The following PPP1R9A variants were observed in gnomAD, a reference collection of about 807,000 sequenced individuals.
PPP1R9A encodes the protein neurabin-1.
PPP1R9A carries 59 observed loss-of-function variants against 141.9 expected under a neutral mutation model. That is an observed-to-expected ratio of 0.42 (90% CI 0.34 to 0.52). PPP1R9A has a LOEUF of 0.52. PPP1R9A is among the 20% of genes least tolerant of loss of function. PPP1R9A has a pLI of 0.10. For missense variants in PPP1R9A, 1,444 were observed against 1,611.9 expected, an observed-to-expected ratio of 0.90 and a Z score of 1.78; for synonymous variants, 500 against 569.7, an observed-to-expected ratio of 0.88 and a Z score of 1.74.
intron 2 of PPP1R9A, among the ~76,000 whole-genome samples, chr7:94,972,933 G>A (rs2151244059): frequency 6.6e-6 from 1 of 152,220 alleles, no homozygotes; most frequent in South Asian, 2.1e-4. Context: ...CAAGTTTCAT[G>A]TTCTTTCCAT....
At chr7:95,132,145 G>A (rs1273910271) in intron 4 of PPP1R9A, among the ~76,000 whole-genome samples, 2 of 152,088 alleles carry the variant, frequency 1.3e-5, no homozygotes, top group African/African-American at 4.8e-5. Flanking sequence ...AAGATAGTTT[G>A]ACTTCTTCTT....
chr7:95,082,561 G>A (rs575890923), intron 2 of PPP1R9A, among the ~76,000 whole-genome samples: 3 of 151,836 alleles, frequency 2.0e-5, no homozygotes, highest in Admixed American at 6.6e-5. Flanking sequence ...GCAACATAGC[G>A]AGACACTGTC....
intron 2 of PPP1R9A, among the ~76,000 whole-genome samples, chr7:95,040,457 A>G (rs13438398): frequency 0.14 from 20,999 of 151,880 alleles, 2,613 homozygotes; most frequent in East Asian, 0.54. Flanking sequence ...TGGGCAATAT[A>G]GGGAAACCTT....
intron 5 of PPP1R9A, among the ~76,000 whole-genome samples, chr7:95,181,844 C>A (rs1259251438): frequency 6.8e-6 from 1 of 148,020 alleles, no homozygotes; most frequent in Non-Finnish European, 1.5e-5. Context: ...GAATACTACT[C>A]AACCATATAA....
At chr7:95,088,897 G>A (rs1816971258) in intron 2 of PPP1R9A, among the ~76,000 whole-genome samples, 1 of 152,032 alleles carries the variant, frequency 6.6e-6, no homozygotes, top group Non-Finnish European at 1.5e-5. Flanking sequence ...CTCTCAAATA[G>A]CAGGTTTATT....
rs1008776394 is a variant in PPP1R9A, at chr7:95,093,065, G to A, written c.1396-18194G>A. Among the ~76,000 whole-genome samples, 17 of 152,150 alleles carry A rather than the reference G, an allele frequency of 1.1e-4. 1 individual carries two copies. The highest frequency in any genetic ancestry group is 1.5e-5 in the Non-Finnish European group (1 of 68,012). ...ATGGCAGGTGGAGATGACATGCCAT[G>A]CCAACAGGTTTTGGTAGACTTGAGT... On this transcript the variant is annotated intron_variant, in intron 2 of 19. Coordinates refer to ENST00000433360, the MANE Select transcript of PPP1R9A (RefSeq NM_001166160.2).
At chr7:95,042,227 A>G (rs572189030) in intron 2 of PPP1R9A, among the ~76,000 whole-genome samples, 1 of 152,316 alleles carries the variant, frequency 6.6e-6, no homozygotes, top group African/African-American at 2.4e-5. Flanking sequence ...TGGAGTTGTG[A>G]GTAGACAAGG....
intron 4 of PPP1R9A, among the ~76,000 whole-genome samples, chr7:95,145,645 A>T (rs1584937342): frequency 6.6e-6 from 1 of 152,114 alleles, no homozygotes; most frequent in Admixed American, 6.6e-5. Context: ...ATGGCGGCTC[A>T]CACCTGTAAT....
At position 95,292,559 on chromosome 7, in the gene PPP1R9A, A is replaced by G. The variant is rs571910575; in HGVS notation, c.*2256A>G. ...TCTATTATATTGCATTTTCTTAAAT[A>G]TCTTAGAAGTATTTTTCTTTATAAC... is the stretch of plus-strand genomic sequence containing the variant. On this transcript the variant is annotated 3_prime_UTR_variant, in exon 20 of 20. Coordinates refer to ENST00000433360, the MANE Select transcript of PPP1R9A (RefSeq NM_001166160.2). The G allele has an allele frequency of 6.6e-6, 1 of 152,558 alleles. No homozygotes were observed. Among genetic ancestry groups the G allele is most frequent in the East Asian group, 1.9e-4 (1 of 5,194 alleles). 9.5% of individuals were successfully genotyped at this position (152,558 alleles called of 1,614,324 possible).
At chr7:95,209,801 A>G (rs911862122) in intron 7 of PPP1R9A, among the ~76,000 whole-genome samples, 1 of 152,220 alleles carries the variant, frequency 6.6e-6, no homozygotes, top group Admixed American at 6.5e-5. Context: ...ATTTTTCAAC[A>G]TTCAATTACT....
At chr7:95,257,401 AT>A (rs1799741668) in intron 12 of PPP1R9A, among the ~76,000 whole-genome samples, 1 of 152,162 alleles carries the variant, frequency 6.6e-6, no homozygotes, top group Admixed American at 6.6e-5. Context: ...GAAAAAATGA[AT>A]TGGATTCTAC....
intron 2 of PPP1R9A, among the ~76,000 whole-genome samples, chr7:95,056,044 A>G (rs1811455003): frequency 6.6e-6 from 1 of 152,128 alleles, no homozygotes; most frequent in Non-Finnish European, 1.5e-5. Flanking sequence ...AAAAATTTCA[A>G]AAGCTTTCAG....
At chr7:95,156,395 A>G (rs1829619010) in intron 4 of PPP1R9A, 1 of 152,332 alleles carries the variant, frequency 6.6e-6, no homozygotes, top group Admixed American at 6.5e-5. Flanking sequence ...CTGAGAAGGC[A>G]CAGATCTTAT....
chr7:95,142,575 T>C (rs1033574970), intron 4 of PPP1R9A, among the ~76,000 whole-genome samples: 1 of 152,126 alleles, frequency 6.6e-6, no homozygotes, highest in Admixed American at 6.6e-5. Context: ...CTTTTCCATA[T>C]GGATATTTAG....
intron 2 of PPP1R9A, among the ~76,000 whole-genome samples, chr7:95,017,133 G>C (rs1218928547): frequency 6.6e-6 from 1 of 152,150 alleles, no homozygotes; most frequent in Non-Finnish European, 1.5e-5. Context: ...AGAGGCTTTG[G>C]AGGGAGCATG....
chr7:95,079,248 C>G (rs1815379871), intron 2 of PPP1R9A, among the ~76,000 whole-genome samples: 1 of 152,104 alleles, frequency 6.6e-6, no homozygotes. Context: ...AATCCTTTCC[C>G]CATTTCTTGT....
intron 2 of PPP1R9A, among the ~76,000 whole-genome samples, chr7:94,916,945 G>T (rs1029540506): frequency 6.6e-6 from 1 of 152,092 alleles, no homozygotes; most frequent in African/African-American, 2.4e-5. Flanking sequence ...CCTCTGAGTA[G>T]CTGGGACAAC....
rs150519369 is a variant in PPP1R9A, at chr7:95,222,849, A to C, written c.1957-3112A>C. Among the ~76,000 whole-genome samples the C allele has an allele frequency of 1.5e-3, 226 of 152,126 alleles. 1 individual carries two copies. The highest frequency in any genetic ancestry group is 5.4e-3 in the African/African-American group (223 of 41,564). ...TTACAACATTCTGCTGACACATTCC[A>C]TGTTACTTATTTTATTTGCAGTGTA... On this transcript the variant is annotated intron_variant, in intron 7 of 19. Coordinates refer to ENST00000433360, the MANE Select transcript of PPP1R9A (RefSeq NM_001166160.2).
chr7:94,998,870 C>T (rs1201027703), intron 2 of PPP1R9A, among the ~76,000 whole-genome samples: 1 of 151,982 alleles, frequency 6.6e-6, no homozygotes, highest in Non-Finnish European at 1.5e-5. Flanking sequence ...CTCAAGTGGT[C>T]CTTCCATCTC....
Sources: allele counts gnomAD v4.1 joint callset (sites outside exome capture counted in the v4.1 genomes callset), GRCh38; gene constraint gnomAD v4.1.1; transcripts MANE v1.5; gene names NCBI Gene and HGNC (gene_info 2026-07-23, HGNC 2026-07-21).